Variants in KDM3B observed in about 807,000 individuals in gnomAD.
The protein encoded by KDM3B is lysine-specific demethylase 3B.
Under a neutral mutation model 170.0 loss-of-function variants are expected in KDM3B, and 10 were observed. That is an observed-to-expected ratio of 0.06 (90% CI 0.04 to 0.10). KDM3B has a LOEUF of 0.10. Among genes scored for constraint, KDM3B ranks in the 10% least tolerant of loss-of-function variants. The pLI is 1.00. For missense variants in KDM3B, 1,394 were observed against 2,195.2 expected (o/e 0.64, Z 7.29); for synonymous variants, 831 against 834.8 (o/e 1.00, Z 0.08).
chr5:138,390,572 A>G (rs1296714551), intron 7 of KDM3B, among the ~76,000 whole-genome samples: 2 of 152,244 alleles, frequency 1.3e-5, no homozygotes, highest in African/African-American at 4.8e-5. Context: ...GCCTAAATAA[A>G]TCAAAACTTT....
chr5:138,430,520 T>A (rs779644218), intron 22 of KDM3B, 95 bp downstream of exon 22: 10 of 1,117,004 alleles, frequency 9.0e-6, no homozygotes, highest in Non-Finnish European at 1.3e-5. Context: ...AGTAGCTGGA[T>A]TGGACTGATC....
intron 11 of KDM3B, among the ~76,000 whole-genome samples, chr5:138,400,837 G>A (rs1050240942): frequency 2.0e-5 from 3 of 150,968 alleles, no homozygotes; most frequent in East Asian, 1.9e-4. Context: ...ACCCATACCT[G>A]TTATCAGTCA....
chr5:138,395,354 G>A (rs1762521077), intron 9 of KDM3B, among the ~76,000 whole-genome samples: 2 of 152,224 alleles, frequency 1.3e-5, no homozygotes, highest in African/African-American at 4.8e-5. Flanking sequence ...GAAGCAACTA[G>A]TAAAGGAGAC....
intron 1 of KDM3B, among the ~76,000 whole-genome samples, chr5:138,370,936 G>T (rs112435592): frequency 0.041 from 6,277 of 152,108 alleles, 177 homozygotes; most frequent in South Asian, 0.11. Context: ...AGCCTCCTGA[G>T]TAGCTGGAAT....
At chr5:138,399,792 A>T (rs1561778963) in intron 10 of KDM3B, 68 bp from the exon 11 acceptor site, 1 of 1,444,104 alleles carries the variant, frequency 6.9e-7, no homozygotes, top group East Asian at 2.3e-5. Flanking sequence ...AGTAGGGATC[A>T]GTGGGTCTGG....
Position 138,377,701 on chromosome 5 carries a change from C to T in KDM3B, c.475-19C>T. On this transcript the variant is annotated intron_variant, in intron 3 of 23. Coordinates refer to ENST00000314358, the MANE Select transcript of KDM3B (RefSeq NM_016604.4). Reference sequence around the variant, plus strand: ...ATTCATTTTAACATTCAGTTGTTTTCTTCTTTTATCTTTACCAGATGGGAA... The same window carrying T: ...ATTCATTTTAACATTCAGTTGTTTTTTTCTTTTATCTTTACCAGATGGGAA... 1 of 1,559,446 alleles carries T rather than the reference C, an allele frequency of 6.4e-7. No individual in the cohort carries two copies. Among genetic ancestry groups the T allele is most frequent in the Non-Finnish European group, 8.8e-7 (1 of 1,132,382 alleles).
intron 23 of KDM3B, among the ~76,000 whole-genome samples, chr5:138,432,437 G>A (rs1244132470): frequency 6.6e-6 from 1 of 152,088 alleles, no homozygotes; most frequent in Non-Finnish European, 1.5e-5. Flanking sequence ...AAAGAGGGCT[G>A]GGCGGGTGGA....
intron 18 of KDM3B, 39 bp from the exon 19 acceptor site, chr5:138,427,150 C>T (rs962123611): frequency 6.2e-7 from 1 of 1,607,324 alleles, no homozygotes; most frequent in Non-Finnish European, 8.5e-7. Context: ...GCTTTCTTCC[C>T]CTATAACAAG....
chr5:138,388,349 A>G (rs1477446940), intron 7 of KDM3B, among the ~76,000 whole-genome samples: 1 of 151,882 alleles, frequency 6.6e-6, no homozygotes, highest in Non-Finnish European at 1.5e-5. Context: ...TATAGAAATG[A>G]GCCAGGCATA....
chr5:138,354,182 G>A (rs986602935), intron 1 of KDM3B, among the ~76,000 whole-genome samples: 1 of 151,994 alleles, frequency 6.6e-6, no homozygotes, highest in Non-Finnish European at 1.5e-5. Flanking sequence ...TTTTTTTGTG[G>A]ATGGCTTAGG....
intron 12 of KDM3B, among the ~76,000 whole-genome samples, chr5:138,416,701 G>C (rs1441457846): frequency 6.6e-6 from 1 of 151,932 alleles, no homozygotes; most frequent in African/African-American, 2.4e-5. Flanking sequence ...CCTGAGTGCA[G>C]TGGTAGGATG....
chr5:138,429,194 G>A (rs1323890646), intron 20 of KDM3B, among the ~76,000 whole-genome samples: 1 of 151,938 alleles, frequency 6.6e-6, no homozygotes, highest in Non-Finnish European at 1.5e-5. Flanking sequence ...TGGGATTACA[G>A]GCATGTGCCA....
At chr5:138,404,814 C>T (rs1762775721) in intron 11 of KDM3B, among the ~76,000 whole-genome samples, 1 of 152,038 alleles carries the variant, frequency 6.6e-6, no homozygotes, top group African/African-American at 2.4e-5. Flanking sequence ...ACCTCATCTT[C>T]CCGAGTTCAA....
chr5:138,384,817 G>C (rs1762217185), intron 6 of KDM3B, among the ~76,000 whole-genome samples: 1 of 150,674 alleles, frequency 6.6e-6, no homozygotes, highest in Non-Finnish European at 1.5e-5. Flanking sequence ...GGGAGGCTGA[G>C]GCAAGACAGT....
chr5:138,427,832 TCATAAA>T, intron 19 of KDM3B, 129 bp from the exon 20 acceptor site: 1 of 806,250 alleles, frequency 1.2e-6, no homozygotes. Context: ...AGTGATTTCT[TCATAAA>T]CAAATAGACT....
At chr5:138,408,399 A>G (rs1157546201) in intron 11 of KDM3B, among the ~76,000 whole-genome samples, 1 of 151,254 alleles carries the variant, frequency 6.6e-6, no homozygotes, top group Admixed American at 6.6e-5. Context: ...TAAAAAAAAA[A>G]AAAAGAAAGA....
intron 1 of KDM3B, among the ~76,000 whole-genome samples, chr5:138,360,833 C>G (rs1467273536): frequency 6.6e-6 from 1 of 152,162 alleles, no homozygotes; most frequent in African/African-American, 2.4e-5. Context: ...CGCAAGTGAT[C>G]TGTCTGCCTT....
At chr5:138,413,841 C>T (rs1185299406) in intron 11 of KDM3B, among the ~76,000 whole-genome samples, 1 of 151,930 alleles carries the variant, frequency 6.6e-6, no homozygotes, top group Non-Finnish European at 1.5e-5. Context: ...TGGTCTCAAG[C>T]TCCTGGGCTC....
At chr5:138,397,258 C>T (rs1762571497) in intron 9 of KDM3B, among the ~76,000 whole-genome samples, 1 of 151,908 alleles carries the variant, frequency 6.6e-6, no homozygotes, top group African/African-American at 2.4e-5. Context: ...TGGCATGAAC[C>T]CCGGAGGAGG....
Sources: gnomAD v4.1 joint callset for allele counts (sites outside exome capture counted in the v4.1 genomes callset) on GRCh38, gnomAD v4.1.1 for gene constraint, MANE v1.5 for transcripts, NCBI Gene and HGNC (gene_info 2026-07-23, HGNC 2026-07-21) for gene names.